ERC2: variants seen among roughly 807,000 people sequenced by gnomAD.
The protein encoded by ERC2 is ELKS/RAB6-interacting/CAST family member 2, also known as ERC protein 2.
ERC2 carries 42 observed loss-of-function variants against 114.8 expected under a neutral mutation model. The ratio of observed to expected loss-of-function variants is 0.37; its 90% CI spans 0.29 to 0.47. The LOEUF (loss-of-function observed/expected upper bound fraction) is 0.47, where lower values mean the gene tolerates loss of function less well. ERC2 is among the 20% of genes least tolerant of loss of function. ERC2 has a pLI of 0.99. For missense variants in ERC2, 939 were observed against 1,150.7 expected (o/e 0.82, Z 2.66); for synonymous variants, 454 against 425.5 (o/e 1.07, Z -0.82).
intron 17 of ERC2, among the ~76,000 whole-genome samples, chr3:55,574,323 T>C (rs933196677): frequency 1.3e-5 from 2 of 152,172 alleles, no homozygotes. Context: ...CCTAATGAAA[T>C]CTTGGGCAGG....
chr3:56,322,006 G>A (rs748509975), intron 2 of ERC2, among the ~76,000 whole-genome samples: 3 of 152,154 alleles, frequency 2.0e-5, no homozygotes, highest in Non-Finnish European at 4.4e-5. Context: ...GAAAGCAAAA[G>A]GACTAATTCA....
chr3:56,056,240 T>G (rs1173629247), intron 7 of ERC2, among the ~76,000 whole-genome samples: 13 of 152,224 alleles, frequency 8.5e-5, no homozygotes, highest in Admixed American at 8.5e-4. Context: ...AGGTTTGGTC[T>G]GCTCAATTGC....
chr3:56,365,659 T>C (rs1435295967), intron 2 of ERC2, among the ~76,000 whole-genome samples: 2 of 152,218 alleles, frequency 1.3e-5, no homozygotes, highest in African/African-American at 4.8e-5. Context: ...CACAATAGTA[T>C]GTTATTTCAT....
chr3:56,251,513 A>T (rs2052152578), intron 3 of ERC2, among the ~76,000 whole-genome samples: 2 of 152,176 alleles, frequency 1.3e-5, no homozygotes, highest in South Asian at 4.1e-4. Context: ...TGGCAAGAAG[A>T]AAAAAATAAA....
chr3:56,064,612 C>T (rs1302968554), intron 7 of ERC2, among the ~76,000 whole-genome samples: 3 of 152,224 alleles, frequency 2.0e-5, no homozygotes, highest in African/African-American at 2.4e-5. Flanking sequence ...GACTTACTTC[C>T]CTTTGCACCA....
chr3:55,833,765 A>G (rs1048235927), intron 14 of ERC2, among the ~76,000 whole-genome samples: 9 of 152,182 alleles, frequency 5.9e-5, no homozygotes, highest in African/African-American at 2.2e-4. Flanking sequence ...AACAATATTA[A>G]CTTTAAATGT....
chr3:55,955,984 T>C (rs1373480903), intron 12 of ERC2, among the ~76,000 whole-genome samples: 1 of 152,130 alleles, frequency 6.6e-6, no homozygotes. Flanking sequence ...ATCTAACTCA[T>C]AGGGTGATTG....
intron 6 of ERC2, among the ~76,000 whole-genome samples, chr3:56,128,854 C>T (rs1363618286): frequency 6.6e-6 from 1 of 152,200 alleles, no homozygotes; most frequent in African/African-American, 2.4e-5. Flanking sequence ...TTTTCCTTCA[C>T]ATTTGACCAG....
chr3:56,177,618 T>G (rs922879655), intron 3 of ERC2, among the ~76,000 whole-genome samples: 1 of 152,158 alleles, frequency 6.6e-6, no homozygotes, highest in Non-Finnish European at 1.5e-5. Flanking sequence ...TCACAGAGCC[T>G]GGATCAGCAC....
chr3:55,831,375 A>G (rs1226339977), intron 14 of ERC2, among the ~76,000 whole-genome samples: 2 of 64,882 alleles, frequency 3.1e-5, no homozygotes, highest in Non-Finnish European at 5.6e-5. Context: ...AGGGGAAGGG[A>G]AGGGAAGGGA....
chr3:56,042,675 C>T (rs781553160), intron 7 of ERC2, among the ~76,000 whole-genome samples: 2 of 151,858 alleles, frequency 1.3e-5, no homozygotes, highest in African/African-American at 2.4e-5. Context: ...GCTCTTTTAT[C>T]GTCAGCAGTC....
At chr3:55,671,488 G>A (rs2061558133) in intron 17 of ERC2, among the ~76,000 whole-genome samples, 1 of 152,178 alleles carries the variant, frequency 6.6e-6, no homozygotes, top group Non-Finnish European at 1.5e-5. Flanking sequence ...CATCGGCACA[G>A]GAGAGGAAAT....
chr3:56,331,862 C>T (rs6764441), intron 2 of ERC2, among the ~76,000 whole-genome samples: 2,812 of 152,264 alleles, frequency 0.018, 96 homozygotes, highest in African/African-American at 0.061. Flanking sequence ...CTTTTGGATC[C>T]CAAAAGCTAG....
At chr3:56,428,682 A>G in intron 2 of ERC2, among the ~76,000 whole-genome samples, 1 of 152,224 alleles carries the variant, frequency 6.6e-6, no homozygotes, top group East Asian at 1.9e-4. Flanking sequence ...TCAAAATAAG[A>G]ATCAATAAAT....
chr3:55,590,051 A>T (rs986243562), intron 17 of ERC2, among the ~76,000 whole-genome samples: 1 of 152,238 alleles, frequency 6.6e-6, no homozygotes, highest in Non-Finnish European at 1.5e-5. Context: ...AAAACTAATT[A>T]TAAAAATAAG....
intron 17 of ERC2, among the ~76,000 whole-genome samples, chr3:55,593,092 T>A (rs1052395416): frequency 2.6e-5 from 4 of 152,216 alleles, no homozygotes; most frequent in Non-Finnish European, 5.9e-5. Context: ...GAGAGCACAA[T>A]GATAGGTTAA....
At position 55,878,173 on chromosome 3, in the gene ERC2, A is replaced by T. The variant is rs200876571; in HGVS notation, c.2564+10216T>A. On this transcript the variant is annotated intron_variant, in intron 14 of 17. Transcript: ENST00000288221. ...AAGCATTTAGATTATTTAACTGCTG[A>T]TTATGATTATTTAGGCTGAAAGACT... 2.0e-5 allele frequency among the ~76,000 whole-genome samples: 3 copies of T among 152,172 alleles called. No homozygotes were observed. In the East Asian group the frequency reaches 5.8e-4, roughly 29 times the overall value.
At chr3:56,284,010 A>T (rs2054520002) in intron 3 of ERC2, among the ~76,000 whole-genome samples, 1 of 152,252 alleles carries the variant, frequency 6.6e-6, no homozygotes, top group African/African-American at 2.4e-5. Flanking sequence ...ACTCTGCTTC[A>T]TTAATAACTT....
At chr3:56,425,113 C>T (rs2061516927) in intron 2 of ERC2, among the ~76,000 whole-genome samples, 1 of 152,110 alleles carries the variant, frequency 6.6e-6, no homozygotes, top group Admixed American at 6.6e-5. Flanking sequence ...CATCCCACTT[C>T]CTTTAGAGAA....
Sources: gnomAD v4.1 joint callset for allele counts (sites outside exome capture counted in the v4.1 genomes callset) on GRCh38, gnomAD v4.1.1 for gene constraint, MANE v1.5 for transcripts, NCBI Gene and HGNC (gene_info 2026-07-23, HGNC 2026-07-21) for gene names.